ADCY2: variants seen among roughly 807,000 people sequenced by gnomAD.
The protein encoded by ADCY2 is adenylate cyclase 2, also known as adenylate cyclase type 2.
ADCY2 carries 31 observed loss-of-function variants against 125.2 expected under a neutral mutation model. That is an observed-to-expected ratio of 0.25 (90% CI 0.19 to 0.33). ADCY2 has a LOEUF of 0.33. Among genes scored for constraint, ADCY2 ranks in the 10% least tolerant of loss-of-function variants. ADCY2 has a pLI of 1.00. For synonymous variants in ADCY2, 512 were observed against 548.4 expected (o/e 0.93, Z 0.93); for missense variants, 904 against 1,418.2 (o/e 0.64, Z 5.82).
intron 4 of ADCY2, chr5:7,654,182 C>T (rs1232298610): frequency 4.4e-6 from 2 of 454,610 alleles, no homozygotes; most frequent in South Asian, 1.6e-5. Context: ...GCGCATCCAG[C>T]GAGAGGAAAG....
chr5:7,771,523 C>A (rs1240457836), intron 17 of ADCY2, among the ~76,000 whole-genome samples: 1 of 152,148 alleles, frequency 6.6e-6, no homozygotes, highest in Admixed American at 6.5e-5. Flanking sequence ...CCTTTTGAAG[C>A]CACAGTGTCA....
intron 2 of ADCY2, among the ~76,000 whole-genome samples, chr5:7,446,252 T>A (rs746863723): frequency 1.3e-5 from 2 of 152,224 alleles, no homozygotes; most frequent in Non-Finnish European, 2.9e-5. Context: ...ATTTCATAGA[T>A]CATTTAATAT....
rs1408126394 is a variant in ADCY2 at position 7,706,916 on chromosome 5, T to C, written c.1268+14T>C. On this transcript the variant is annotated intron_variant, in intron 8 of 24. Coordinates refer to ENST00000338316, the MANE Select transcript of ADCY2 (RefSeq NM_020546.3). The stretch of plus-strand genomic sequence containing the variant: ...AGGGGTCCCTGGGTAAGGCCAAGCA[T>C]TGGATTTCTTTCTTCAAGCAGGCAG... 1 of 1,613,388 alleles carries C rather than the reference T, an allele frequency of 6.2e-7. No individual in the cohort carries two copies.
chr5:7,751,309 G>C (rs906647858), intron 15 of ADCY2, among the ~76,000 whole-genome samples: 4 of 152,032 alleles, frequency 2.6e-5, no homozygotes, highest in Non-Finnish European at 4.4e-5. Context: ...TGCAGATCTC[G>C]TGGTGCTAAT....
At chr5:7,638,426 G>C (rs1227683369) in intron 4 of ADCY2, among the ~76,000 whole-genome samples, 1 of 152,174 alleles carries the variant, frequency 6.6e-6, no homozygotes, top group African/African-American at 2.4e-5. Context: ...ACTTAGTAGT[G>C]TGGACTCTGC....
chr5:7,784,518 T>G, intron 19 of ADCY2, 69 bp downstream of exon 19: 1 of 1,130,540 alleles, frequency 8.8e-7, no homozygotes, highest in Non-Finnish European at 1.3e-6. Flanking sequence ...TGCTTTGCTG[T>G]GCATTGTAGT....
chr5:7,774,153 C>G (rs1743640923), intron 18 of ADCY2, among the ~76,000 whole-genome samples: 1 of 152,200 alleles, frequency 6.6e-6, no homozygotes, highest in African/African-American at 2.4e-5. Context: ...CGGCAGTTAT[C>G]CCACTGTGTA....
intron 16 of ADCY2, among the ~76,000 whole-genome samples, chr5:7,763,417 A>G (rs1743295723): frequency 6.6e-6 from 1 of 152,180 alleles, no homozygotes. Context: ...ATTATGTAAA[A>G]TATATATAAA....
intron 4 of ADCY2, among the ~76,000 whole-genome samples, chr5:7,657,634 AGGGGTAT>A (rs1739383633): frequency 6.6e-6 from 1 of 152,162 alleles, no homozygotes; most frequent in African/African-American, 2.4e-5. Context: ...AGTACTTAAT[AGGGGTAT>A]GCTCTTTCAT....
chr5:7,710,365 A>T (rs764323557), intron 10 of ADCY2, among the ~76,000 whole-genome samples: 4 of 152,244 alleles, frequency 2.6e-5, no homozygotes, highest in African/African-American at 4.8e-5. Context: ...TAGCACTTGC[A>T]TTTTAATAGC....
At chr5:7,547,984 T>A (rs959815869) in intron 3 of ADCY2, among the ~76,000 whole-genome samples, 87 of 152,352 alleles carry the variant, frequency 5.7e-4, no homozygotes, top group African/African-American at 1.9e-3. Context: ...TCCTCCTTTA[T>A]AAATTCCTCC....
intron 16 of ADCY2, among the ~76,000 whole-genome samples, chr5:7,759,415 C>A (rs1743121231): frequency 6.6e-6 from 1 of 152,212 alleles, no homozygotes; most frequent in African/African-American, 2.4e-5. Context: ...GAGGGGCTCA[C>A]CAGGCAAGTC....
Position 7,757,588 on chromosome 5 carries a change from TA to T in ADCY2, c.2094+4del, listed in dbSNP as rs1743043735. On this transcript the variant is annotated splice_donor_region_variant and intron_variant, in intron 16 of 24. Coordinates refer to ENST00000338316, the MANE Select transcript of ADCY2 (RefSeq NM_020546.3). ...TTAATGATGGCCGTGTTCAACATGG[TA>T]AGTCCCAGAGCACGGCCGTGTTCAA... The T allele has an allele frequency of 6.4e-7, 1 of 1,565,238 alleles. No homozygotes were observed. Among genetic ancestry groups the T allele is most frequent in the Non-Finnish European group, 8.7e-7 (1 of 1,143,788 alleles).
chr5:7,447,393 A>T (rs1741305907), intron 2 of ADCY2, among the ~76,000 whole-genome samples: 1 of 152,170 alleles, frequency 6.6e-6, no homozygotes, highest in Admixed American at 6.5e-5. Context: ...TCATCCTGGC[A>T]GTGGGAAAGC....
intron 13 of ADCY2, among the ~76,000 whole-genome samples, chr5:7,726,866 C>G (rs1395371357): frequency 6.6e-6 from 1 of 152,216 alleles, no homozygotes; most frequent in Non-Finnish European, 1.5e-5. Context: ...AGTTCACTCA[C>G]TCAACCTTCT....
At chr5:7,750,364 G>A (rs772093245) in intron 15 of ADCY2, among the ~76,000 whole-genome samples, 10 of 152,076 alleles carry the variant, frequency 6.6e-5, no homozygotes, top group African/African-American at 9.7e-5. Flanking sequence ...ACAATACAGG[G>A]ACCATGCTCT....
intron 3 of ADCY2, among the ~76,000 whole-genome samples, chr5:7,543,650 CATCTT>C (rs1032433027): frequency 2.0e-5 from 3 of 152,044 alleles, no homozygotes; most frequent in African/African-American, 7.2e-5. Flanking sequence ...AGGTGCATAT[CATCTT>C]AGATCTCTCT....
chr5:7,653,367 A>G (rs1739164919), intron 4 of ADCY2, among the ~76,000 whole-genome samples: 1 of 152,230 alleles, frequency 6.6e-6, no homozygotes, highest in South Asian at 2.1e-4. Context: ...ATCCCCATGC[A>G]TGCTGCAGTG....
At chr5:7,634,451 C>A (rs937285764) in intron 4 of ADCY2, among the ~76,000 whole-genome samples, 1 of 152,108 alleles carries the variant, frequency 6.6e-6, no homozygotes, top group African/African-American at 2.4e-5. Context: ...AATGTACTTA[C>A]GGATGATGGG....
Sources: allele counts gnomAD v4.1 joint callset (sites outside exome capture counted in the v4.1 genomes callset), GRCh38; gene constraint gnomAD v4.1.1; transcripts MANE v1.5; gene names NCBI Gene and HGNC (gene_info 2026-07-23, HGNC 2026-07-21).